The following NPAS2 variants were observed in gnomAD, a reference collection of about 807,000 sequenced individuals.
NPAS2 encodes neuronal PAS domain protein 2.
A neutral mutation model predicts 107.5 loss-of-function variants in NPAS2; 23 were observed. The ratio of observed to expected loss-of-function variants is 0.21; its 90% confidence interval spans 0.15 to 0.30. The LOEUF (loss-of-function observed/expected upper bound fraction) is 0.30. Among genes scored for constraint, NPAS2 ranks in the 10% least tolerant of loss-of-function variants. The pLI is 1.00. For missense variants in NPAS2, 756 were observed against 1,043.3 expected (o/e 0.72, Z 3.79); for synonymous variants, 403 against 417.5 (o/e 0.97, Z 0.42).
chr2:100,830,854 G>A (rs553410750), intron 1 of NPAS2, among the ~76,000 whole-genome samples: 8 of 152,288 alleles, frequency 5.3e-5, no homozygotes, highest in Middle Eastern at 3.4e-3. Context: ...CATAGGTCAC[G>A]GGACAAACAG....
intron 1 of NPAS2, among the ~76,000 whole-genome samples, chr2:100,842,081 G>GCGCGCGCACACACACACACA: frequency 1.1e-3 from 164 of 148,894 alleles, no homozygotes; most frequent in Non-Finnish European, 1.5e-3. Context: ...GCATGTACGC[G>GCGCGCGCACACACACACACA]CACACACACA....
At chr2:100,903,270 A>T (rs1397406125) in intron 1 of NPAS2, among the ~76,000 whole-genome samples, 3 of 152,202 alleles carry the variant, frequency 2.0e-5, no homozygotes, top group African/African-American at 7.2e-5. Flanking sequence ...GAATTGACAT[A>T]AAACTTTGAA....
intron 1 of NPAS2, among the ~76,000 whole-genome samples, chr2:100,868,431 TG>T (rs1442118302): frequency 6.6e-6 from 1 of 152,204 alleles, no homozygotes; most frequent in Non-Finnish European, 1.5e-5. Flanking sequence ...CCCTTGACTT[TG>T]GTAATCTGCA....
At chr2:100,888,278 G>A (rs1242308832) in intron 1 of NPAS2, among the ~76,000 whole-genome samples, 2 of 152,164 alleles carry the variant, frequency 1.3e-5, no homozygotes, top group Non-Finnish European at 2.9e-5. Flanking sequence ...AGGAGGGTGG[G>A]ACCCATGCCT....
chr2:100,916,346 T>C (rs1450170895), intron 2 of NPAS2, among the ~76,000 whole-genome samples: 3 of 152,180 alleles, frequency 2.0e-5, no homozygotes, highest in Admixed American at 1.3e-4. Context: ...AAATATATGC[T>C]GTCTACAAGA....
At chr2:100,913,029 G>T (rs1328954349) in intron 2 of NPAS2, among the ~76,000 whole-genome samples, 1 of 152,142 alleles carries the variant, frequency 6.6e-6, no homozygotes, top group East Asian at 1.9e-4. Flanking sequence ...ATCTTCTGAA[G>T]TCTGTCTAGT....
At chr2:100,853,400 C>G (rs1458359130) in intron 1 of NPAS2, among the ~76,000 whole-genome samples, 3 of 152,192 alleles carry the variant, frequency 2.0e-5, no homozygotes, top group African/African-American at 7.2e-5. Context: ...TCCACAACCC[C>G]CTAAGGAGTA....
At chr2:100,925,016 T>C in intron 2 of NPAS2, 130 bp from the exon 3 acceptor site, 1 of 970,800 alleles carries the variant, frequency 1.0e-6, no homozygotes, top group Non-Finnish European at 1.5e-6. Flanking sequence ...CAGCGTGACC[T>C]TCCTGAAAGA....
intron 14 of NPAS2, 135 bp from the exon 15 acceptor site, chr2:100,977,575 A>G (rs1677100340): frequency 2.8e-6 from 2 of 719,452 alleles, no homozygotes; most frequent in African/African-American, 1.7e-5. Context: ...ACAGACACCT[A>G]TACTTTCTAG....
At position 100,859,430 on chromosome 2, in the gene NPAS2, A is replaced by T. The variant is rs1678796235; in HGVS notation, c.-23+39016A>T. On this transcript the variant is annotated intron_variant, in intron 1 of 20. Coordinates refer to ENST00000335681, the MANE Select transcript of NPAS2 (RefSeq NM_002518.4). ...ACAAGTCAAACCCAGAGCTCATAGA[A>T]TAGTGGGATAGATGGGCATTAAATG... 2.0e-5 allele frequency among the ~76,000 whole-genome samples: 3 copies of T among 152,220 alleles called. No homozygotes were observed. The South Asian group carries it at 6.2e-4, about 32-fold the overall frequency.
intron 5 of NPAS2, among the ~76,000 whole-genome samples, chr2:100,944,457 A>T (rs1674765472): frequency 6.6e-6 from 1 of 152,094 alleles, no homozygotes; most frequent in Non-Finnish European, 1.5e-5. Flanking sequence ...CAGGCAGGTG[A>T]CCTTCCCGAT....
rs114593636 is a variant in NPAS2, at chr2:100,866,029, C to T, written c.-22-38704C>T. On this transcript the variant is annotated intron_variant, in intron 1 of 20. Transcript: ENST00000335681. Reference sequence around the variant, plus strand: ...GACCCGCCCCTCTTCAGTCAATGTTCATGCTCAGCAATTCCGTTTATGAAT... The same window carrying T: ...GACCCGCCCCTCTTCAGTCAATGTTTATGCTCAGCAATTCCGTTTATGAAT... 9.9e-3 allele frequency among the ~76,000 whole-genome samples: 1,511 copies of T among 152,270 alleles called. 19 individuals are homozygous for T. Among genetic ancestry groups the T allele is most frequent in the Non-Finnish European group, 0.017 (1,141 of 68,014 alleles).
chr2:100,907,924 G>A (rs1316095903), intron 2 of NPAS2, among the ~76,000 whole-genome samples: 1 of 152,208 alleles, frequency 6.6e-6, no homozygotes, highest in African/African-American at 2.4e-5. Flanking sequence ...GCTTGATTGA[G>A]AGATATTTGT....
intron 2 of NPAS2, among the ~76,000 whole-genome samples, chr2:100,921,898 T>A: frequency 6.6e-6 from 1 of 152,194 alleles, no homozygotes; most frequent in East Asian, 1.9e-4. Context: ...ACGGCATTAT[T>A]CTTATTACCC....
chr2:100,977,683 G>T, intron 14 of NPAS2, 27 bp from the exon 15 acceptor site: 1 of 1,599,896 alleles, frequency 6.3e-7, no homozygotes, highest in Non-Finnish European at 8.6e-7. Flanking sequence ...AGAAGCAGTG[G>T]TAACAAAGCC....
At chr2:100,953,697 G>T (rs987536461) in intron 7 of NPAS2, among the ~76,000 whole-genome samples, 11 of 152,092 alleles carry the variant, frequency 7.2e-5, no homozygotes, top group Non-Finnish European at 1.2e-4. Flanking sequence ...GAAGTCAGGG[G>T]CCCACATTCA....
intron 2 of NPAS2, among the ~76,000 whole-genome samples, chr2:100,916,520 C>T (rs189418093): frequency 3.9e-5 from 6 of 152,196 alleles, no homozygotes; most frequent in East Asian, 1.9e-4. Context: ...AGTGACATTA[C>T]GTATGATACA....
chr2:100,829,055 G>C (rs1342860202), intron 1 of NPAS2, among the ~76,000 whole-genome samples: 4 of 151,988 alleles, frequency 2.6e-5, no homozygotes, highest in Non-Finnish European at 4.4e-5. Context: ...ATTTGTTTCT[G>C]TCATCTATGT....
At chr2:100,929,890 T>G (rs1418502983) in intron 3 of NPAS2, among the ~76,000 whole-genome samples, 4 of 152,238 alleles carry the variant, frequency 2.6e-5, no homozygotes, top group Non-Finnish European at 5.9e-5. Flanking sequence ...TCCAAGTAGT[T>G]ATTATTTAGC....
Sources: gnomAD v4.1 joint callset for allele counts (sites outside exome capture counted in the v4.1 genomes callset) on GRCh38, gnomAD v4.1.1 for gene constraint, MANE v1.5 for transcripts, NCBI Gene and HGNC (gene_info 2026-07-23, HGNC 2026-07-21) for gene names.